CDK14: variants seen among roughly 807,000 people sequenced by gnomAD.
CDK14 encodes the protein cyclin dependent kinase 14.
A neutral mutation model predicts 60.7 loss-of-function variants in CDK14; 34 were observed. The ratio of observed to expected loss-of-function variants is 0.56; its 90% CI spans 0.43 to 0.75. The LOEUF (loss-of-function observed/expected upper bound fraction) is 0.75, where lower values mean the gene tolerates loss of function less well. Among genes scored for constraint, CDK14 ranks in the 30% least tolerant of loss-of-function variants. The pLI is 0.00. For synonymous variants in CDK14, 197 were observed against 203.7 expected, an observed-to-expected ratio of 0.97 and a Z score of 0.28; for missense variants, 482 against 564.1, an observed-to-expected ratio of 0.85 and a Z score of 1.47.
In CDK14 at chr7:90,626,291, C is replaced by T. The variant is rs371558375; in HGVS notation, c.123+22042C>T. 9.4e-4 allele frequency among the ~76,000 whole-genome samples: 143 copies of T among 152,210 alleles called. 1 individual carries two copies. The highest frequency in any genetic ancestry group is 3.2e-3 in the African/African-American group (131 of 41,540). ...TGCACCTCAGTTTTTATCAGTTCCTCCCCCAGCGCTATTTTTATTAAATAC... is the reference window on the plus strand; with the variant it reads ...TGCACCTCAGTTTTTATCAGTTCCTTCCCCAGCGCTATTTTTATTAAATAC... On this transcript the variant is annotated intron_variant, in intron 2 of 14. Transcript: ENST00000380050.
At chr7:91,057,414 AT>A in intron 11 of CDK14, among the ~76,000 whole-genome samples, 1 of 151,936 alleles carries the variant, frequency 6.6e-6, no homozygotes, top group South Asian at 2.1e-4. Flanking sequence ...GTTTAATTAG[AT>A]CCCATTTGTC....
chr7:90,693,639 C>G (rs1340482440), intron 2 of CDK14, among the ~76,000 whole-genome samples: 1 of 152,150 alleles, frequency 6.6e-6, no homozygotes, highest in African/African-American at 2.4e-5. Context: ...TCCCTAGATC[C>G]AATTCATTGG....
chr7:90,848,236 G>A (rs1337829366), intron 5 of CDK14, among the ~76,000 whole-genome samples: 1 of 152,092 alleles, frequency 6.6e-6, no homozygotes, highest in Non-Finnish European at 1.5e-5. Flanking sequence ...CAAATAGCTG[G>A]GACTGCAGGC....
intron 5 of CDK14, among the ~76,000 whole-genome samples, chr7:90,848,285 G>T (rs976143385): frequency 6.6e-6 from 1 of 151,992 alleles, no homozygotes; most frequent in African/African-American, 2.4e-5. Context: ...TAGTAGAGGT[G>T]AGGTTTCACC....
intron 2 of CDK14, among the ~76,000 whole-genome samples, chr7:90,672,897 A>G (rs1801125918): frequency 6.6e-6 from 1 of 152,146 alleles, no homozygotes; most frequent in East Asian, 1.9e-4. Context: ...TAATGTAGCT[A>G]TAAACATTTG....
intron 2 of CDK14, among the ~76,000 whole-genome samples, chr7:90,691,003 C>CT (rs1023093904): frequency 2.9e-4 from 44 of 152,118 alleles, no homozygotes; most frequent in African/African-American, 9.2e-4. Context: ...CTTAAGTCCT[C>CT]TATTTATTTT....
At position 91,118,057 on chromosome 7, in the gene CDK14, G is replaced by A. The variant is rs545435895; in HGVS notation, c.1295-8G>A. ...TATATAAATGAAAACTTCATATTCT[G>A]TCCACAGTGTCTTCTATTTTTACTG... On this transcript the variant is annotated splice_polypyrimidine_tract_variant and splice_region_variant and intron_variant, in intron 13 of 14. Transcript: ENST00000380050. The A allele has an allele frequency of 1.1e-5, 16 of 1,505,420 alleles. No homozygotes were observed. The African/African-American group carries it at 1.7e-4, about 16-fold the overall frequency. 93.3% of individuals were successfully genotyped at this position (1,505,420 alleles called of 1,614,324 possible).
intron 2 of CDK14, among the ~76,000 whole-genome samples, chr7:90,613,347 C>T (rs1799582750): frequency 1.3e-5 from 2 of 152,140 alleles, no homozygotes; most frequent in Admixed American, 1.3e-4. Context: ...GAAGTCTCTG[C>T]TGTAAGGGTG....
At chr7:91,004,448 C>A (rs762600145) in intron 10 of CDK14, among the ~76,000 whole-genome samples, 9 of 152,172 alleles carry the variant, frequency 5.9e-5, no homozygotes, top group Non-Finnish European at 8.8e-5. Context: ...AACCAATCTA[C>A]TGGGGAGTGG....
intron 5 of CDK14, 60 bp downstream of exon 5, chr7:90,790,712 A>G (rs1169186561): frequency 4.9e-5 from 50 of 1,023,136 alleles, no homozygotes; most frequent in Non-Finnish European, 7.2e-5. Flanking sequence ...TAGCTATTTT[A>G]ATATTATACA....
At chr7:90,774,477 C>A (rs1322621823) in intron 4 of CDK14, among the ~76,000 whole-genome samples, 2 of 151,980 alleles carry the variant, frequency 1.3e-5, no homozygotes, top group African/African-American at 4.8e-5. Context: ...TTCTCTAATC[C>A]TTTTTTGTCA....
intron 6 of CDK14, among the ~76,000 whole-genome samples, chr7:90,871,551 G>T (rs1052704612): frequency 1.3e-5 from 2 of 152,144 alleles, no homozygotes; most frequent in South Asian, 2.1e-4. Flanking sequence ...ATTCTTAGAA[G>T]AATGCTCAAT....
Position 90,863,274 on chromosome 7 carries a change from G to A in CDK14, c.639+5G>A. On this transcript the variant is annotated splice_donor_5th_base_variant and intron_variant, in intron 6 of 14. Coordinates refer to ENST00000380050, the MANE Select transcript of CDK14 (RefSeq NM_001287135.2). ...ACACTTGTGTTTGAATATGTGGTAAGTAAAATAAGACTTTTAAATTTAGAC... is the reference window on the plus strand; with the variant it reads ...ACACTTGTGTTTGAATATGTGGTAAATAAAATAAGACTTTTAAATTTAGAC... 6.7e-7 allele frequency: 1 copy of A among 1,496,472 alleles called. No individual in the cohort carries two copies. The highest frequency in any genetic ancestry group is 9.3e-7 in the Non-Finnish European group (1 of 1,079,640). The allele number at this position is 1,496,472 out of a possible 1,614,324, so 92.7% of individuals were successfully genotyped here.
chr7:90,959,804 G>T (rs1437731050), intron 9 of CDK14, among the ~76,000 whole-genome samples: 5 of 152,074 alleles, frequency 3.3e-5, no homozygotes, highest in Non-Finnish European at 7.4e-5. Flanking sequence ...AAACAACCCT[G>T]TGTGATTTGG....
At chr7:91,020,303 G>A (rs955962435) in intron 10 of CDK14, among the ~76,000 whole-genome samples, 3 of 152,150 alleles carry the variant, frequency 2.0e-5, no homozygotes, top group African/African-American at 4.8e-5. Context: ...ACCATCAAGG[G>A]ACTTTGAGCA....
chr7:90,599,692 A>T (rs896069726), intron 1 of CDK14, among the ~76,000 whole-genome samples: 3 of 152,176 alleles, frequency 2.0e-5, no homozygotes, highest in African/African-American at 7.2e-5. Context: ...TTGTTGAATA[A>T]TCCACACTGC....
intron 2 of CDK14, among the ~76,000 whole-genome samples, chr7:90,664,195 T>C (rs1175578294): frequency 1.3e-5 from 2 of 152,186 alleles, no homozygotes; most frequent in Non-Finnish European, 2.9e-5. Context: ...AAAATGCTCA[T>C]CATCACTGAC....
chr7:90,949,248 A>G (rs941395538), intron 8 of CDK14, among the ~76,000 whole-genome samples: 3 of 152,022 alleles, frequency 2.0e-5, no homozygotes, highest in Non-Finnish European at 4.4e-5. Context: ...ATTGTTGTCC[A>G]GGCTGGAGCA....
At chr7:91,132,348 A>G (rs1800143935) in intron 14 of CDK14, among the ~76,000 whole-genome samples, 1 of 152,176 alleles carries the variant, frequency 6.6e-6, no homozygotes, top group South Asian at 2.1e-4. Context: ...AAAGTGCAGC[A>G]TCTCTAGGGA....
Sources: allele counts gnomAD v4.1 joint callset (sites outside exome capture counted in the v4.1 genomes callset), GRCh38; gene constraint gnomAD v4.1.1; transcripts MANE v1.5; gene names NCBI Gene and HGNC (gene_info 2026-07-23, HGNC 2026-07-21).